RTTN: variants seen among roughly 807,000 people sequenced by gnomAD.
RTTN encodes the protein rotatin.
RTTN carries 182 observed loss-of-function variants against 269.2 expected under a neutral mutation model. The observed-to-expected ratio is 0.68, with a 90% CI of 0.60 to 0.76. The LOEUF is 0.76. Ranked by LOEUF, RTTN falls within the 30% of genes least tolerant of loss-of-function variation. The pLI, the probability that RTTN is intolerant of heterozygous loss-of-function variation, is 0.00. For synonymous variants in RTTN, 1,006 were observed against 963.5 expected (o/e 1.04, Z -0.82); for missense variants, 2,545 against 2,608.6 (o/e 0.98, Z 0.53).
Position 70,020,945 on chromosome 18 carries a change from A to C in RTTN, c.5951-128T>G, listed in dbSNP as rs1010502568. The C allele has an allele frequency of 6.7e-5, 45 of 674,340 alleles. No individual in the cohort carries two copies. In the African/African-American group the frequency reaches 7.6e-4, roughly 11 times the overall value. 41.8% of individuals were successfully genotyped at this position (674,340 alleles called of 1,614,324 possible). ...ATTAACCTGTGAACTGCAAATTAGC[A>C]ATGGAGGCTAATGTTGGTGTCTACA... On this transcript the variant is annotated intron_variant, in intron 44 of 48. Coordinates refer to ENST00000640769, the MANE Select transcript of RTTN (RefSeq NM_173630.4).
Position 70,031,289 on chromosome 18 carries a change from T to C in RTTN, c.5542-308A>G, listed in dbSNP as rs1400598789. The stretch of plus-strand genomic sequence containing the variant: ...CAAATTCACCAGCGCATATTGTATA[T>C]ATATGTGTGTACCTTATTAAAATGG... On this transcript the variant is annotated intron_variant, in intron 40 of 48. Coordinates refer to ENST00000640769, the MANE Select transcript of RTTN (RefSeq NM_173630.4). 5.3e-5 allele frequency: 24 copies of C among 454,562 alleles called. No homozygotes were observed. In the South Asian group the frequency reaches 1.1e-3, roughly 20 times the overall value. 28.2% of individuals were successfully genotyped at this position (454,562 alleles called of 1,614,324 possible).
At chr18:70,169,850 T>C (rs2061091391) in intron 11 of RTTN, among the ~76,000 whole-genome samples, 1 of 152,224 alleles carries the variant, frequency 6.6e-6, no homozygotes, top group Admixed American at 6.5e-5. Flanking sequence ...TTGACAAGAC[T>C]CACTATTACG....
At chr18:70,030,232 A>T in intron 41 of RTTN, 123 bp from the exon 42 acceptor site, 1 of 622,074 alleles carries the variant, frequency 1.6e-6, no homozygotes. Flanking sequence ...TCATTTTAGA[A>T]TTTTCAGTCA....
chr18:70,108,025 A>G (rs2059367012), intron 28 of RTTN, among the ~76,000 whole-genome samples: 1 of 152,252 alleles, frequency 6.6e-6, no homozygotes, highest in South Asian at 2.1e-4. Flanking sequence ...CCGTAATCCC[A>G]GCACTTTGGG....
intron 11 of RTTN, among the ~76,000 whole-genome samples, chr18:70,173,264 G>A (rs78846882): frequency 0.037 from 5,665 of 152,152 alleles, 140 homozygotes; most frequent in African/African-American, 0.062. Flanking sequence ...GGAGGCCAAG[G>A]CAGGCAAAAC....
intron 22 of RTTN, 151 bp downstream of exon 22, chr18:70,135,033 G>C: frequency 2.1e-6 from 1 of 465,224 alleles, no homozygotes; most frequent in Non-Finnish European, 3.8e-6. Flanking sequence ...TTTGAATACT[G>C]TTTATTCAAA....
chr18:70,030,134 C>A, intron 41 of RTTN, 25 bp from the exon 42 acceptor site: 2 of 1,471,272 alleles, frequency 1.4e-6, no homozygotes, highest in South Asian at 1.1e-5. Flanking sequence ...CTGCAGTAGT[C>A]AAAAGGATAT....
chr18:70,142,793 G>A (rs2060290989), intron 18 of RTTN, among the ~76,000 whole-genome samples: 1 of 152,190 alleles, frequency 6.6e-6, no homozygotes, highest in Non-Finnish European at 1.5e-5. Context: ...AGACAAGCCT[G>A]GCCAACATGG....
At chr18:70,037,804 C>T (rs1385343302) in intron 40 of RTTN, among the ~76,000 whole-genome samples, 1 of 152,224 alleles carries the variant, frequency 6.6e-6, no homozygotes, top group Non-Finnish European at 1.5e-5. Context: ...AACAAGTAGG[C>T]TCTTGGGCTC....
chr18:70,091,606 T>A (rs966299876), intron 30 of RTTN: 1 of 152,212 alleles, frequency 6.6e-6, no homozygotes, highest in African/African-American at 2.4e-5. Flanking sequence ...AAAACTTCTA[T>A]GAGAAAAGAA....
chr18:70,102,579 T>C (rs570365298), intron 28 of RTTN, among the ~76,000 whole-genome samples: 2 of 152,256 alleles, frequency 1.3e-5, no homozygotes, highest in Non-Finnish European at 2.9e-5. Context: ...ACATTTAAGG[T>C]TAATATTGTT....
chr18:70,014,479 C>T (rs1422339960), intron 46 of RTTN, among the ~76,000 whole-genome samples: 3 of 152,112 alleles, frequency 2.0e-5, no homozygotes, highest in Admixed American at 6.6e-5. Context: ...CTGGTTAATG[C>T]TTTTGAAAAA....
intron 5 of RTTN, among the ~76,000 whole-genome samples, chr18:70,198,158 T>C (rs2061857638): frequency 6.6e-6 from 1 of 152,228 alleles, no homozygotes; most frequent in African/African-American, 2.4e-5. Flanking sequence ...AAGTCCTTAC[T>C]GATCTTCCCC....
At chr18:70,152,780 CAT>C (rs1754001297) in intron 14 of RTTN, among the ~76,000 whole-genome samples, 2 of 152,238 alleles carry the variant, frequency 1.3e-5, no homozygotes, top group Non-Finnish European at 2.9e-5. Flanking sequence ...CACCACATCT[CAT>C]CAGGGCTACT....
Position 70,197,514 on chromosome 18 carries a change from T to A in RTTN, c.693+110A>T, listed in dbSNP as rs561045073. On this transcript the variant is annotated intron_variant, in intron 6 of 48. Transcript: ENST00000640769. ...TTAAATAGCCAAATACTTCACTTTT[T>A]AAAAACATGAGTACAAAGTTCCTTC... is the stretch of plus-strand genomic sequence containing the variant. 192 of 704,394 alleles carry A rather than the reference T, an allele frequency of 2.7e-4. 1 individual carries two copies. In the South Asian group the frequency reaches 2.9e-3, roughly 11 times the overall value. 43.6% of individuals were successfully genotyped at this position (704,394 alleles called of 1,614,324 possible).
intron 34 of RTTN, among the ~76,000 whole-genome samples, chr18:70,066,974 A>T (rs1014394182): frequency 6.6e-6 from 1 of 152,210 alleles, no homozygotes; most frequent in Middle Eastern, 3.2e-3. Context: ...TTAAGTAAGT[A>T]TAACAGTCAT....
Position 70,121,569 on chromosome 18 carries a change from A to G in RTTN, c.3515T>C (p.Leu1172Ser). ...AACACCACTTACATGTCTAAGAAGTAATTCGAGAATCCAGTTTAGAAGTTC... is the reference window on the plus strand; with the variant it reads ...AACACCACTTACATGTCTAAGAAGTGATTCGAGAATCCAGTTTAGAAGTTC... Reference protein sequence around the residue: ...SLELLNWILELLLRHSANPLL... With the variant: ...SLELLNWILESLLRHSANPLL... Residue 1172 changes from leucine (L) to serine (S), a missense_variant, in exon 26 of 49, where the codon TTA becomes TCA. Transcript: ENST00000640769. 1 of 1,566,428 alleles carries G rather than the reference A, an allele frequency of 6.4e-7. No homozygotes were observed. The highest frequency in any genetic ancestry group is 8.6e-7 in the Non-Finnish European group (1 of 1,166,500).
chr18:70,109,859 T>G, intron 27 of RTTN, 142 bp from the exon 28 acceptor site: 1 of 642,706 alleles, frequency 1.6e-6, no homozygotes. Context: ...ATAGTCTCTA[T>G]CAAAATGAGA....
intron 45 of RTTN, chr18:70,019,741 G>C (rs936187099): frequency 6.6e-6 from 1 of 152,148 alleles, no homozygotes; most frequent in Non-Finnish European, 1.5e-5. Context: ...TGGCTCCAAC[G>C]TGCCACTGAA....
Sources: gnomAD v4.1 joint callset for allele counts (sites outside exome capture counted in the v4.1 genomes callset) on GRCh38, gnomAD v4.1.1 for gene constraint, MANE v1.5 for transcripts, NCBI Gene and HGNC (gene_info 2026-07-23, HGNC 2026-07-21) for gene names.